MAML3: variants seen among roughly 807,000 people sequenced by gnomAD.
The protein encoded by MAML3 is mastermind like transcriptional coactivator 3, also known as mastermind-like protein 3.
A neutral mutation model predicts 101.9 loss-of-function variants in MAML3; 27 were observed. The ratio of observed to expected loss-of-function variants is 0.27; its 90% confidence interval spans 0.20 to 0.37. The LOEUF (loss-of-function observed/expected upper bound fraction) is 0.37. Ranked by LOEUF, MAML3 falls within the 10% of genes least tolerant of loss-of-function variation. MAML3 has a pLI of 1.00. For missense variants in MAML3, 1,316 were observed against 1,444.9 expected, an observed-to-expected ratio of 0.91 and a Z score of 1.45; for synonymous variants, 501 against 555.9, an observed-to-expected ratio of 0.90 and a Z score of 1.39.
At chr4:139,902,823 C>T (rs575319242) in intron 1 of MAML3, among the ~76,000 whole-genome samples, 7 of 152,238 alleles carry the variant, frequency 4.6e-5, no homozygotes, top group Non-Finnish European at 1.0e-4. Context: ...TCACTGACTT[C>T]TGTGGGCAGC....
chr4:140,014,931 C>A (rs1478936194), intron 1 of MAML3, among the ~76,000 whole-genome samples: 1 of 151,868 alleles, frequency 6.6e-6, no homozygotes, highest in Non-Finnish European at 1.5e-5. Context: ...GTTGGTCTGG[C>A]AATATTAAAT....
chr4:140,119,138 C>T (rs916608692), intron 1 of MAML3, among the ~76,000 whole-genome samples: 1 of 152,172 alleles, frequency 6.6e-6, no homozygotes, highest in African/African-American at 2.4e-5. Context: ...TCAGAATTCA[C>T]CCCGATAAGG....
intron 1 of MAML3, among the ~76,000 whole-genome samples, chr4:140,096,029 G>A (rs1428770007): frequency 6.6e-6 from 1 of 152,168 alleles, no homozygotes; most frequent in Non-Finnish European, 1.5e-5. Context: ...TCAGCAATTG[G>A]GATATTGCAT....
At chr4:139,801,144 T>G (rs1034965363) in intron 2 of MAML3, among the ~76,000 whole-genome samples, 5 of 152,214 alleles carry the variant, frequency 3.3e-5, no homozygotes, top group African/African-American at 1.2e-4. Flanking sequence ...CAAAAGCCAC[T>G]TTTAGCACAG....
chr4:139,887,358 C>A (rs1340235642), intron 2 of MAML3, among the ~76,000 whole-genome samples: 1 of 152,170 alleles, frequency 6.6e-6, no homozygotes, highest in African/African-American at 2.4e-5. Context: ...TGAGGACTCA[C>A]AAAAGAACAT....
intron 1 of MAML3, among the ~76,000 whole-genome samples, chr4:139,935,125 T>C (rs1451811929): frequency 2.0e-5 from 3 of 151,338 alleles, no homozygotes; most frequent in Non-Finnish European, 2.9e-5. Flanking sequence ...TCACCCCCCT[T>C]CCTCAGCAAG....
intron 2 of MAML3, among the ~76,000 whole-genome samples, chr4:139,762,265 A>C (rs576369639): frequency 6.6e-6 from 1 of 152,186 alleles, no homozygotes; most frequent in African/African-American, 2.4e-5. Flanking sequence ...ACAATAGGTG[A>C]CTAAAAAGGA....
chr4:139,839,983 T>C (rs1320349796), intron 2 of MAML3, among the ~76,000 whole-genome samples: 1 of 152,144 alleles, frequency 6.6e-6, no homozygotes, highest in African/African-American at 2.4e-5. Flanking sequence ...TTATTCTGTG[T>C]GAATTCAAGT....
chr4:139,873,221 C>T (rs1235671415), intron 2 of MAML3, among the ~76,000 whole-genome samples: 9 of 152,156 alleles, frequency 5.9e-5, no homozygotes, highest in Non-Finnish European at 1.3e-4. Context: ...GATATCAGGT[C>T]CAGGACTGCT....
At chr4:139,920,182 T>G (rs1000144178) in intron 1 of MAML3, among the ~76,000 whole-genome samples, 1 of 152,238 alleles carries the variant, frequency 6.6e-6, no homozygotes, top group Non-Finnish European at 1.5e-5. Flanking sequence ...TCAATGACAT[T>G]CACTTTTTTT....
chr4:139,914,506 A>G (rs1346216032), intron 1 of MAML3, among the ~76,000 whole-genome samples: 13 of 152,170 alleles, frequency 8.5e-5, no homozygotes, highest in Non-Finnish European at 2.9e-5. Flanking sequence ...GGAAAAAAAA[A>G]GAAAATGACC....
At chr4:139,842,902 C>T (rs1055389060) in intron 2 of MAML3, among the ~76,000 whole-genome samples, 10 of 150,440 alleles carry the variant, frequency 6.6e-5, no homozygotes, top group African/African-American at 2.0e-4. Flanking sequence ...CTCAGCCTCC[C>T]GAGTAGCTGG....
chr4:139,854,582 T>C (rs1453887012), intron 2 of MAML3, among the ~76,000 whole-genome samples: 1 of 121,836 alleles, frequency 8.2e-6, no homozygotes, highest in African/African-American at 2.6e-5. Flanking sequence ...TTTTTAATGG[T>C]GAGGAACATT....
chr4:140,058,302 G>A (rs1212853683), intron 1 of MAML3, among the ~76,000 whole-genome samples: 1 of 151,548 alleles, frequency 6.6e-6, no homozygotes, highest in Non-Finnish European at 1.5e-5. Context: ...ATGTTGCCCA[G>A]GCTGGTCTCA....
intron 1 of MAML3, among the ~76,000 whole-genome samples, chr4:140,140,015 A>T (rs2111052532): frequency 6.6e-6 from 1 of 152,352 alleles, no homozygotes; most frequent in East Asian, 1.9e-4. Flanking sequence ...TGACCAGAGC[A>T]GCACCTTTAA....
At chr4:140,146,594 T>C (rs1000498605) in intron 1 of MAML3, among the ~76,000 whole-genome samples, 1 of 152,186 alleles carries the variant, frequency 6.6e-6, no homozygotes, top group East Asian at 1.9e-4. Context: ...CAAAACTAAA[T>C]AGTGAATTTT....
chr4:139,895,994 T>C (rs1328258022), intron 1 of MAML3, among the ~76,000 whole-genome samples: 2 of 152,226 alleles, frequency 1.3e-5, no homozygotes, highest in African/African-American at 4.8e-5. Context: ...ATAATTTTTA[T>C]GTTTTGTTTT....
chr4:140,045,330 G>C (rs550679678), intron 1 of MAML3, among the ~76,000 whole-genome samples: 89 of 150,704 alleles, frequency 5.9e-4, no homozygotes, highest in African/African-American at 1.9e-3. Flanking sequence ...ATGAGGTGGA[G>C]GCTGCAGTGA....
chr4:139,822,631 A>G (rs985926310), intron 2 of MAML3, among the ~76,000 whole-genome samples: 9 of 152,306 alleles, frequency 5.9e-5, no homozygotes, highest in Non-Finnish European at 1.0e-4. Flanking sequence ...AGTGACCACA[A>G]ACAAAAAGAA....
Sources: gnomAD v4.1 joint callset for allele counts (sites outside exome capture counted in the v4.1 genomes callset) on GRCh38, gnomAD v4.1.1 for gene constraint, MANE v1.5 for transcripts, NCBI Gene and HGNC (gene_info 2026-07-23, HGNC 2026-07-21) for gene names.